AFF3: variants seen among roughly 807,000 people sequenced by gnomAD.
AFF3 encodes ALF transcription elongation factor 3, also known as AF4/FMR2 family member 3.
Under a neutral mutation model 129.7 loss-of-function variants are expected in AFF3, and 32 were observed. The ratio of observed to expected loss-of-function variants is 0.25; its 90% CI spans 0.19 to 0.33. The LOEUF is 0.33. Among genes scored for constraint, AFF3 ranks in the 10% least tolerant of loss-of-function variants. The pLI is 1.00. For synonymous variants in AFF3, 644 were observed against 635.4 expected, an observed-to-expected ratio of 1.01 and a Z score of -0.20; for missense variants, 1,373 against 1,592.0, an observed-to-expected ratio of 0.86 and a Z score of 2.34.
At chr2:99,936,857 A>G (rs1674569891) in intron 7 of AFF3, among the ~76,000 whole-genome samples, 5 of 152,160 alleles carry the variant, frequency 3.3e-5, no homozygotes, top group Admixed American at 3.3e-4. Flanking sequence ...CCCAAGGTGG[A>G]TTTAACTGTG....
intron 4 of AFF3, among the ~76,000 whole-genome samples, chr2:100,075,375 G>C (rs188858412): frequency 1.5e-3 from 229 of 152,176 alleles, no homozygotes; most frequent in African/African-American, 5.3e-3. Flanking sequence ...CCTCTAGTGA[G>C]GGGGCATTTC....
chr2:99,697,064 T>C (rs895586865), intron 11 of AFF3, among the ~76,000 whole-genome samples: 1 of 152,208 alleles, frequency 6.6e-6, no homozygotes, highest in African/African-American at 2.4e-5. Flanking sequence ...CCCTGAACGT[T>C]TTGAAGGCAT....
At chr2:99,819,375 A>G (rs1687474894) in intron 8 of AFF3, among the ~76,000 whole-genome samples, 1 of 152,224 alleles carries the variant, frequency 6.6e-6, no homozygotes, top group South Asian at 2.1e-4. Flanking sequence ...TCTCACAAAT[A>G]TTCTACAAAT....
intron 8 of AFF3, among the ~76,000 whole-genome samples, chr2:99,758,138 G>A (rs1402703297): frequency 6.6e-6 from 1 of 152,126 alleles, no homozygotes. Flanking sequence ...TCTGTTACCT[G>A]AACTGCCATC....
intron 4 of AFF3, among the ~76,000 whole-genome samples, chr2:100,052,743 T>C (rs142080860): frequency 2.0e-5 from 3 of 152,248 alleles, no homozygotes; most frequent in Middle Eastern, 3.4e-3. Context: ...TATGTCCAGA[T>C]AGAACACTGC....
At chr2:100,064,325 T>C (rs1277366191) in intron 4 of AFF3, among the ~76,000 whole-genome samples, 4 of 151,976 alleles carry the variant, frequency 2.6e-5, no homozygotes, top group African/African-American at 9.7e-5. Flanking sequence ...TGAGAAAGAG[T>C]AGCTGGAGCG....
At chr2:99,873,376 T>G (rs563423607) in intron 7 of AFF3, among the ~76,000 whole-genome samples, 1 of 152,318 alleles carries the variant, frequency 6.6e-6, no homozygotes, top group East Asian at 1.9e-4. Context: ...TAATGTATTA[T>G]CAACACAGTG....
At chr2:99,629,226 G>C (rs1682898071) in intron 13 of AFF3, among the ~76,000 whole-genome samples, 1 of 152,098 alleles carries the variant, frequency 6.6e-6, no homozygotes, top group African/African-American at 2.4e-5. Context: ...ACTGCCTTTT[G>C]ATCAGTTTTG....
chr2:99,855,038 A>C (rs926561812), intron 7 of AFF3, among the ~76,000 whole-genome samples: 1 of 152,158 alleles, frequency 6.6e-6, no homozygotes, highest in African/African-American at 2.4e-5. Context: ...CAAAATACAA[A>C]ATTTCTAGAA....
chr2:99,576,067 G>C (rs6716495), intron 18 of AFF3, among the ~76,000 whole-genome samples: 27,793 of 150,478 alleles, frequency 0.18, 2,739 homozygotes, highest in East Asian at 0.36. Context: ...ACACAGTCTC[G>C]CTGTTGCCCA....
chr2:99,708,576 C>A (rs921844122), intron 11 of AFF3, among the ~76,000 whole-genome samples: 1 of 152,120 alleles, frequency 6.6e-6, no homozygotes, highest in Non-Finnish European at 1.5e-5. Context: ...AAATTTAGTA[C>A]TTTTGAAGGC....
At chr2:99,706,965 G>T in intron 11 of AFF3, 1 of 447,056 alleles carries the variant, frequency 2.2e-6, no homozygotes, top group Non-Finnish European at 3.0e-6. Flanking sequence ...GAAACTGTCA[G>T]TTCCTCTCCT....
At chr2:99,571,790 C>T (rs1209903229) in intron 18 of AFF3, among the ~76,000 whole-genome samples, 1 of 152,160 alleles carries the variant, frequency 6.6e-6, no homozygotes, top group East Asian at 1.9e-4. Context: ...ATTATAAAGC[C>T]AGCAGGACCA....
rs564196485 is a variant in AFF3, at chr2:99,767,765, G to A, written c.922-15464C>T. On this transcript the variant is annotated intron_variant, in intron 8 of 24. Transcript: ENST00000672756. ...GAGGTCAGGAGATTGAGACCACGGTGAAACCCCATCTCTACTAAAAATACA... is the reference window on the plus strand; with the variant it reads ...GAGGTCAGGAGATTGAGACCACGGTAAAACCCCATCTCTACTAAAAATACA... Among the ~76,000 whole-genome samples, 6 of 152,328 alleles carry A rather than the reference G, an allele frequency of 3.9e-5. No homozygotes were observed. In the East Asian group the frequency reaches 1.2e-3, roughly 29 times the overall value.
chr2:99,630,948 G>A, intron 13 of AFF3: 1 of 433,162 alleles, frequency 2.3e-6, no homozygotes, highest in South Asian at 1.7e-5. Flanking sequence ...AGAGAACACA[G>A]GGTTTCAATG....
At chr2:99,702,181 C>A (rs975380007) in intron 11 of AFF3, among the ~76,000 whole-genome samples, 1 of 152,186 alleles carries the variant, frequency 6.6e-6, no homozygotes, top group Non-Finnish European at 1.5e-5. Flanking sequence ...AAAGGAACTA[C>A]CAAATTATTT....
At chr2:99,708,254 A>C (rs953902073) in intron 11 of AFF3, among the ~76,000 whole-genome samples, 2 of 152,200 alleles carry the variant, frequency 1.3e-5, no homozygotes, top group African/African-American at 4.8e-5. Context: ...AAAAAAACAA[A>C]GGCATCCATT....
intron 7 of AFF3, among the ~76,000 whole-genome samples, chr2:99,946,140 T>C (rs1201430543): frequency 6.6e-6 from 1 of 151,996 alleles, no homozygotes; most frequent in Non-Finnish European, 1.5e-5. Flanking sequence ...AAGAGGCAGA[T>C]TATAAAGAGA....
intron 19 of AFF3, 40 bp from the exon 20 acceptor site, chr2:99,565,663 G>T (rs1553599365): frequency 1.3e-6 from 2 of 1,583,742 alleles, no homozygotes; most frequent in Admixed American, 3.4e-5. Context: ...CTAAACAATA[G>T]TTTTTTTTAA....
Sources: allele counts gnomAD v4.1 joint callset (sites outside exome capture counted in the v4.1 genomes callset), GRCh38; gene constraint gnomAD v4.1.1; transcripts MANE v1.5; gene names NCBI Gene and HGNC (gene_info 2026-07-23, HGNC 2026-07-21).